The following SDK1 variants were observed in gnomAD, a reference collection of about 807,000 sequenced individuals.
SDK1 encodes the protein sidekick cell adhesion molecule 1.
A neutral mutation model predicts 245.5 loss-of-function variants in SDK1; 157 were observed. That is an observed-to-expected ratio of 0.64 (90% confidence interval 0.56 to 0.73). SDK1 has a LOEUF of 0.73. Ranked by LOEUF, SDK1 falls within the 30% of genes least tolerant of loss-of-function variation. SDK1 has a pLI of 0.00. For missense variants in SDK1, 3,583 were observed against 3,002.3 expected, an observed-to-expected ratio of 1.19 and a Z score of -4.52; for synonymous variants, 1,647 against 1,278.5, an observed-to-expected ratio of 1.29 and a Z score of -6.15.
At chr7:3,498,224 T>C (rs1782084632) in intron 1 of SDK1, among the ~76,000 whole-genome samples, 1 of 152,192 alleles carries the variant, frequency 6.6e-6, no homozygotes, top group Admixed American at 6.5e-5. Context: ...AAGTCAACTT[T>C]TATGAGAACT....
At chr7:4,173,605 G>A (rs570361592) in intron 32 of SDK1, among the ~76,000 whole-genome samples, 7 of 152,230 alleles carry the variant, frequency 4.6e-5, no homozygotes, top group Non-Finnish European at 8.8e-5. Context: ...TGCAGGGTGA[G>A]AGCTGGATGG....
chr7:3,503,421 C>A (rs1232635560), intron 1 of SDK1, among the ~76,000 whole-genome samples: 2 of 152,138 alleles, frequency 1.3e-5, no homozygotes, highest in African/African-American at 4.8e-5. Flanking sequence ...GGCTCATGCC[C>A]ATAATCTCAA....
chr7:4,079,457 C>G lies in SDK1; in HGVS notation c.3203-6C>G. The stretch of plus-strand genomic sequence containing the variant: ...TCTCTCCCTTTCCTCCCTGGTTCCT[C>G]TCTAGACCTTCCTGGTGCCCCATCC... On this transcript the variant is annotated splice_region_variant and splice_polypyrimidine_tract_variant and intron_variant, in intron 21 of 44. Coordinates refer to ENST00000404826, the MANE Select transcript of SDK1 (RefSeq NM_152744.4). The G allele has an allele frequency of 6.2e-7, 1 of 1,614,208 alleles. No homozygotes were observed. The highest frequency in any genetic ancestry group is 8.5e-7 in the Non-Finnish European group (1 of 1,180,016).
rs139896544 is a variant in SDK1 at position 4,066,889 on chromosome 7, T to G, written c.2912-949T>G. Among the ~76,000 whole-genome samples the G allele has an allele frequency of 8.5e-3, 1,287 of 152,292 alleles. 17 individuals carry two copies. The highest frequency in any genetic ancestry group is 0.029 in the South Asian group (140 of 4,824). Reference sequence around the variant, plus strand: ...CCCTTCCTCAAGCAGTTTGCTTTGCTGAGCTGCACCTGCATCTTGGATTTT... The same window carrying G: ...CCCTTCCTCAAGCAGTTTGCTTTGCGGAGCTGCACCTGCATCTTGGATTTT... On this transcript the variant is annotated intron_variant, in intron 19 of 44. Coordinates refer to ENST00000404826, the MANE Select transcript of SDK1 (RefSeq NM_152744.4).
At chr7:3,356,329 C>T (rs1224571287) in intron 1 of SDK1, among the ~76,000 whole-genome samples, 2 of 152,110 alleles carry the variant, frequency 1.3e-5, no homozygotes, top group African/African-American at 2.4e-5. Flanking sequence ...GTAAAATAAA[C>T]ATCTGGGCAG....
intron 19 of SDK1, among the ~76,000 whole-genome samples, chr7:4,059,614 T>C (rs1378395550): frequency 6.6e-6 from 1 of 152,210 alleles, no homozygotes; most frequent in East Asian, 1.9e-4. Context: ...TTACAGAACA[T>C]TTCATCTAAT....
chr7:3,517,948 G>GT (rs1456982037), intron 1 of SDK1, among the ~76,000 whole-genome samples: 3 of 152,064 alleles, frequency 2.0e-5, no homozygotes, highest in Admixed American at 6.6e-5. Flanking sequence ...TTCATTTGAA[G>GT]TTTTTTGTGT....
chr7:3,869,355 C>T (rs1258785749), intron 5 of SDK1, among the ~76,000 whole-genome samples: 1 of 151,936 alleles, frequency 6.6e-6, no homozygotes, highest in Non-Finnish European at 1.5e-5. Context: ...GGGGTTTCAC[C>T]ATGTTAGCCA....
chr7:3,829,140 A>T lies in SDK1; in HGVS notation c.847+7557A>T, dbSNP rs548893254. Among the ~76,000 whole-genome samples the T allele has an allele frequency of 2.6e-5, 4 of 152,374 alleles. No homozygotes were observed. The South Asian group carries it at 8.3e-4, about 32-fold the overall frequency. ...GGTAGTTTTATTAAAATATACTGAA[A>T]TAGTAAAACATTAAACTATACCAGA... On this transcript the variant is annotated intron_variant, in intron 5 of 44. Transcript: ENST00000404826.
At chr7:4,118,195 G>T (rs1470195874) in intron 25 of SDK1, among the ~76,000 whole-genome samples, 1 of 152,226 alleles carries the variant, frequency 6.6e-6, no homozygotes, top group East Asian at 1.9e-4. Flanking sequence ...TCTCATGAGG[G>T]ATTTATATCT....
intron 5 of SDK1, among the ~76,000 whole-genome samples, chr7:3,897,275 T>G (rs1781635873): frequency 6.6e-6 from 1 of 152,214 alleles, no homozygotes; most frequent in Non-Finnish European, 1.5e-5. Context: ...TTAACATTTC[T>G]GCACACTCAT....
intron 17 of SDK1, among the ~76,000 whole-genome samples, chr7:4,041,349 G>C (rs1483722772): frequency 6.7e-6 from 1 of 150,166 alleles, no homozygotes; most frequent in Non-Finnish European, 1.5e-5. Flanking sequence ...AGTTAAAAGA[G>C]TTTTGATATA....
intron 4 of SDK1, among the ~76,000 whole-genome samples, chr7:3,755,412 G>A (rs1306697683): frequency 2.6e-5 from 4 of 152,132 alleles, no homozygotes; most frequent in African/African-American, 9.7e-5. Context: ...TGACATACAC[G>A]GTCTGGCCAT....
At chr7:3,466,729 A>G (rs988421229) in intron 1 of SDK1, among the ~76,000 whole-genome samples, 11 of 151,764 alleles carry the variant, frequency 7.2e-5, no homozygotes, top group African/African-American at 2.7e-4. Context: ...TTATACGATT[A>G]TGATAATCTG....
chr7:4,017,459 C>A, intron 17 of SDK1, 107 bp downstream of exon 17: 1 of 957,328 alleles, frequency 1.0e-6, no homozygotes. Context: ...ATCCAGTCCC[C>A]TAGGGAGCGT....
intron 1 of SDK1, among the ~76,000 whole-genome samples, chr7:3,496,101 C>T (rs181895655): frequency 1.3e-5 from 2 of 152,098 alleles, no homozygotes; most frequent in East Asian, 1.9e-4. Flanking sequence ...CCTGGAGATG[C>T]GTAGTGTGGT....
intron 4 of SDK1, among the ~76,000 whole-genome samples, chr7:3,751,555 C>A (rs1231599929): frequency 6.6e-6 from 1 of 152,138 alleles, no homozygotes; most frequent in African/African-American, 2.4e-5. Flanking sequence ...CCCGTCATTG[C>A]CCAGTAAGGA....
chr7:4,010,335 C>T (rs562010676), intron 14 of SDK1, among the ~76,000 whole-genome samples: 9 of 152,138 alleles, frequency 5.9e-5, no homozygotes, highest in Non-Finnish European at 8.8e-5. Context: ...GAAGCCTTGC[C>T]GGCAAGAGTG....
At chr7:3,766,073 G>C (rs1489503647) in intron 4 of SDK1, among the ~76,000 whole-genome samples, 1 of 152,168 alleles carries the variant, frequency 6.6e-6, no homozygotes, top group African/African-American at 2.4e-5. Flanking sequence ...GTTTTCCCAA[G>C]AGATGACATT....
Sources: allele counts gnomAD v4.1 joint callset (sites outside exome capture counted in the v4.1 genomes callset), GRCh38; gene constraint gnomAD v4.1.1; transcripts MANE v1.5; gene names NCBI Gene and HGNC (gene_info 2026-07-23, HGNC 2026-07-21).